CTNNA2: variants seen among roughly 807,000 people sequenced by gnomAD.
CTNNA2 encodes catenin alpha-2.
Under a neutral mutation model 101.0 loss-of-function variants are expected in CTNNA2, and 42 were observed. That is an observed-to-expected ratio of 0.42 (90% CI 0.32 to 0.54). The LOEUF (loss-of-function observed/expected upper bound fraction) is 0.54. Among genes scored for constraint, CTNNA2 ranks in the 20% least tolerant of loss-of-function variants. CTNNA2 has a pLI of 0.14. For synonymous variants in CTNNA2, 450 were observed against 456.4 expected, an observed-to-expected ratio of 0.99 and a Z score of 0.18; for missense variants, 871 against 1,223.1, an observed-to-expected ratio of 0.71 and a Z score of 4.29.
intron 7 of CTNNA2, among the ~76,000 whole-genome samples, chr2:79,929,126 A>G (rs1008019506): frequency 2.0e-5 from 3 of 152,132 alleles, no homozygotes; most frequent in African/African-American, 7.2e-5. Flanking sequence ...CCACGTTTTT[A>G]ATGTCTTTCT....
intron 7 of CTNNA2, among the ~76,000 whole-genome samples, chr2:80,294,226 G>T (rs550137377): frequency 1.3e-5 from 2 of 152,276 alleles, no homozygotes; most frequent in Admixed American, 1.3e-4. Flanking sequence ...CCTTAAAAAT[G>T]GGACAAGTTT....
chr2:79,211,017 A>G (rs952506375), intron 2 of CTNNA2, among the ~76,000 whole-genome samples: 21 of 152,120 alleles, frequency 1.4e-4, no homozygotes, highest in African/African-American at 5.1e-4. Context: ...CTTCCTGTCT[A>G]CCTGAAACTT....
intron 7 of CTNNA2, among the ~76,000 whole-genome samples, chr2:79,921,701 T>G (rs1686663783): frequency 6.6e-6 from 1 of 152,176 alleles, no homozygotes; most frequent in African/African-American, 2.4e-5. Context: ...ACAGCTTAAT[T>G]GCTGACTTCA....
At chr2:79,326,933 G>A (rs1161302840) in intron 3 of CTNNA2, among the ~76,000 whole-genome samples, 1 of 152,170 alleles carries the variant, frequency 6.6e-6, no homozygotes, top group Non-Finnish European at 1.5e-5. Context: ...TCCTAGAGGA[G>A]AAGAGCATTG....
chr2:79,860,655 A>G (rs902601202), intron 4 of CTNNA2, among the ~76,000 whole-genome samples: 2 of 151,038 alleles, frequency 1.3e-5, no homozygotes, highest in African/African-American at 4.9e-5. Context: ...AAATGATTGT[A>G]GACTAAATAA....
At chr2:80,046,499 C>T (rs1696533876) in intron 7 of CTNNA2, among the ~76,000 whole-genome samples, 1 of 152,084 alleles carries the variant, frequency 6.6e-6, no homozygotes, top group South Asian at 2.1e-4. Context: ...CAGTTTTTCA[C>T]ATTAGAATTA....
intron 2 of CTNNA2, among the ~76,000 whole-genome samples, chr2:79,663,907 G>T (rs1357122715): frequency 6.6e-6 from 1 of 152,174 alleles, no homozygotes; most frequent in East Asian, 1.9e-4. Context: ...TGCAACTTGT[G>T]TATTCTCTTT....
At chr2:80,581,054 T>TA (rs1310015787) in intron 13 of CTNNA2, among the ~76,000 whole-genome samples, 9 of 152,222 alleles carry the variant, frequency 5.9e-5, no homozygotes, top group Admixed American at 3.9e-4. Flanking sequence ...GACAAACATT[T>TA]AAAAAATACC....
intron 4 of CTNNA2, among the ~76,000 whole-genome samples, chr2:79,376,547 C>T (rs1677978093): frequency 6.6e-6 from 1 of 151,268 alleles, no homozygotes; most frequent in South Asian, 2.1e-4. Flanking sequence ...AGGTTTGTTA[C>T]GTATGTATAC....
chr2:80,265,910 A>G lies in CTNNA2; in HGVS notation c.1057-127301A>G, dbSNP rs537739954. 1.6e-3 allele frequency among the ~76,000 whole-genome samples: 242 copies of G among 152,328 alleles called. 2 individuals are homozygous for G. The highest frequency in any genetic ancestry group is 5.5e-3 in the African/African-American group (229 of 41,580). ...CATCTGATTAAGTAGTTCTAGAATGAGATCCAGGAATGTACGTTCTTTAAC... is the reference window on the plus strand; with the variant it reads ...CATCTGATTAAGTAGTTCTAGAATGGGATCCAGGAATGTACGTTCTTTAAC... On this transcript the variant is annotated intron_variant, in intron 7 of 18. Coordinates refer to ENST00000402739, the MANE Select transcript of CTNNA2 (RefSeq NM_001282597.3).
chr2:80,441,811 T>C (rs1040607291), intron 9 of CTNNA2, among the ~76,000 whole-genome samples: 1 of 151,658 alleles, frequency 6.6e-6, no homozygotes, highest in African/African-American at 2.4e-5. Context: ...ATAGGAGAGG[T>C]CATGATGTTC....
intron 2 of CTNNA2, among the ~76,000 whole-genome samples, chr2:79,244,749 G>T (rs1052893685): frequency 2.0e-5 from 3 of 152,110 alleles, no homozygotes; most frequent in Non-Finnish European, 4.4e-5. Context: ...ATACATATTT[G>T]TTGAATAAAT....
At chr2:80,573,780 G>A (rs1008458891) in intron 12 of CTNNA2, among the ~76,000 whole-genome samples, 7 of 152,096 alleles carry the variant, frequency 4.6e-5, no homozygotes, top group Non-Finnish European at 1.0e-4. Flanking sequence ...TATAGACAAA[G>A]AAACAGGTTA....
intron 2 of CTNNA2, among the ~76,000 whole-genome samples, chr2:79,243,005 C>T (rs1404034074): frequency 5.0e-5 from 7 of 140,256 alleles, no homozygotes; most frequent in Admixed American, 1.4e-4. Context: ...CACACACACA[C>T]ACACACACAC....
chr2:79,344,816 A>G (rs1677220483), intron 3 of CTNNA2, among the ~76,000 whole-genome samples: 1 of 145,776 alleles, frequency 6.9e-6, no homozygotes, highest in Non-Finnish European at 1.5e-5. Context: ...ATATATTTAT[A>G]TATATAATAT....
At chr2:80,034,256 C>T (rs950210583) in intron 7 of CTNNA2, among the ~76,000 whole-genome samples, 4 of 151,420 alleles carry the variant, frequency 2.6e-5, no homozygotes, top group Non-Finnish European at 5.9e-5. Context: ...AGATTTTCTA[C>T]TCAATAGAAC....
At position 79,357,957 on chromosome 2, in the gene CTNNA2, G is replaced by A. The variant is rs548620446; in HGVS notation, c.-317-15874G>A. Among the ~76,000 whole-genome samples, 12 of 152,074 alleles carry A rather than the reference G, an allele frequency of 7.9e-5. 1 individual carries two copies. The South Asian group carries it at 2.3e-3, about 29-fold the overall frequency. The stretch of plus-strand genomic sequence containing the variant: ...AATCCTAAATCTTGGTCTTTCCCTT[G>A]ACTCTATCTTATTTTACTGGATGCT... On this transcript the variant is annotated intron_variant, in intron 3 of 21. Coordinates refer to the CTNNA2 transcript ENST00000466387.
intron 7 of CTNNA2, among the ~76,000 whole-genome samples, chr2:79,987,897 A>C (rs1691877166): frequency 6.6e-6 from 1 of 152,198 alleles, no homozygotes; most frequent in Non-Finnish European, 1.5e-5. Flanking sequence ...TAAACAAATA[A>C]TTTCTGCCTG....
At chr2:79,235,884 G>T (rs1049570966) in intron 2 of CTNNA2, among the ~76,000 whole-genome samples, 1 of 152,150 alleles carries the variant, frequency 6.6e-6, no homozygotes, top group Non-Finnish European at 1.5e-5. Context: ...GGGATGGGTC[G>T]AGTCACCTTC....
Sources: allele counts gnomAD v4.1 joint callset (sites outside exome capture counted in the v4.1 genomes callset), GRCh38; gene constraint gnomAD v4.1.1; transcripts MANE v1.5; gene names NCBI Gene and HGNC (gene_info 2026-07-23, HGNC 2026-07-21).